Variants in FBF1 observed in about 807,000 individuals in gnomAD.
The protein encoded by FBF1 is fas-binding factor 1.
FBF1 carries 119 observed loss-of-function variants against 147.2 expected under a neutral mutation model. The ratio of observed to expected loss-of-function variants is 0.81; its 90% confidence interval spans 0.70 to 0.94. FBF1 has a LOEUF of 0.94. FBF1 is among the 40% of genes least tolerant of loss of function. The probability of loss-of-function intolerance (pLI) is 0.00; values close to 1 mark genes in which losing one functional copy is unlikely to be tolerated. For synonymous variants in FBF1, 601 were observed against 609.0 expected (o/e 0.99, Z 0.19); for missense variants, 1,449 against 1,500.8 (o/e 0.97, Z 0.57).
In FBF1 at chr17:75,913,766, G is replaced by A. The variant is rs761454041; in HGVS notation, c.3183C>T (p.Asp1061=). ...QRLQLDRARQ[D]LPSSLVGLFP... ...ACAGACCCACGAGGCTAGAGGGCAGGTCCTGTCGTGCGCGGTCCAGTTGCA... is the reference window on the plus strand; with the variant it reads ...ACAGACCCACGAGGCTAGAGGGCAGATCCTGTCGTGCGCGGTCCAGTTGCA... The change falls in exon 28 of 30, where the codon GAC becomes GAT. Residue 1061 remains aspartate (D), a synonymous_variant. Transcript: ENST00000636174. The A allele has an allele frequency of 2.4e-5, 38 of 1,605,154 alleles. No individual in the cohort carries two copies. Among genetic ancestry groups the A allele is most frequent in the Admixed American group, 1.8e-4 (11 of 59,866 alleles).
At chr17:75,939,377 G>A (rs2065646183) in intron 1 of FBF1, among the ~76,000 whole-genome samples, 1 of 150,930 alleles carries the variant, frequency 6.6e-6, no homozygotes, top group African/African-American at 2.4e-5. Flanking sequence ...AAAAAGGGCA[G>A]TGGCCATCAT....
rs889542096 is a variant in FBF1 at position 75,918,302 on chromosome 17, C to T, written c.2139-33G>A. 1 of 1,578,658 alleles carries T rather than the reference C, an allele frequency of 6.3e-7. No individual in the cohort carries two copies. Among genetic ancestry groups the T allele is most frequent in the Admixed American group, 1.7e-5 (1 of 58,328 alleles). On this transcript the variant is annotated intron_variant, in intron 20 of 29. Coordinates refer to ENST00000636174, the MANE Select transcript of FBF1 (RefSeq NM_001319193.2). This position sits in a 1 kb window ranked among gnomAD's most constrained non-coding sequence, Gnocchi z 5.8. ...GAGGCGGGAGGGGAAGGCGGTCACT[C>T]TGAGCTGGATCACCCTGATGCGGTA...
chr17:75,918,161 C>A lies in FBF1; in HGVS notation c.2246+1G>T. 1 of 1,613,290 alleles carries A rather than the reference C, an allele frequency of 6.2e-7. No individual in the cohort carries two copies. The highest frequency in any genetic ancestry group is 8.5e-7 in the Non-Finnish European group (1 of 1,179,770). The stretch of plus-strand genomic sequence containing the variant: ...GGGCATGGTTGGGGCAGCGCACATA[C>A]CGCGTGTGGGAGGTGGCACTGGTGG... On this transcript the variant is annotated splice_donor_variant, in intron 21 of 29. Coordinates refer to ENST00000636174, the MANE Select transcript of FBF1 (RefSeq NM_001319193.2). LOFTEE classifies it high-confidence loss of function. This position sits in a 1 kb window ranked among gnomAD's most constrained non-coding sequence, Gnocchi z 5.8.
At position 75,921,252 on chromosome 17, in the gene FBF1, G is replaced by T; in HGVS notation, c.1666C>A (p.Pro556Thr). ...STQKPTEPSVPVQPLLPESLA... is the reference protein window; with the variant it reads ...STQKPTEPSVTVQPLLPESLA... ...TCTGCCCACACCCCTACCTGGACGG[G>T]CACGGAAGGCTCTGTGGGTTTCTGG... Residue 556 changes from proline (P) to threonine (T), a missense_variant, in exon 17 of 30, where the codon CCC becomes ACC. Transcript: ENST00000636174. 1 of 1,587,884 alleles carries T rather than the reference G, an allele frequency of 6.3e-7. No homozygotes were observed. Among genetic ancestry groups the T allele is most frequent in the South Asian group, 1.1e-5 (1 of 86,976 alleles).
At chr17:75,932,878 T>TAAAAAA in intron 5 of FBF1, 117 bp downstream of exon 5, 7 of 435,520 alleles carry the variant, frequency 1.6e-5, no homozygotes, top group South Asian at 4.6e-5. Flanking sequence ...AAATATTCTC[T>TAAAAAA]AAAAAAAAAA....
chr17:75,929,950 A>ACCCCCCCC, intron 7 of FBF1, 47 bp downstream of exon 7: 1 of 214,750 alleles, frequency 4.7e-6, no homozygotes, highest in South Asian at 3.2e-5. Flanking sequence ...TCATGACCCC[A>ACCCCCCCC]CCCCACCCAC....
At chr17:75,930,900 G>A (rs1166515164) in intron 6 of FBF1, among the ~76,000 whole-genome samples, 3 of 151,996 alleles carry the variant, frequency 2.0e-5, no homozygotes, top group African/African-American at 2.4e-5. Flanking sequence ...CAGCCTGGGC[G>A]ACAGAGGGAG....
At chr17:75,916,415 T>A (rs1246497622) in intron 23 of FBF1, among the ~76,000 whole-genome samples, 1 of 150,980 alleles carries the variant, frequency 6.6e-6, no homozygotes, top group Non-Finnish European at 1.5e-5. Flanking sequence ...AGCCCAGGAG[T>A]TCAAGACCAG....
chr17:75,934,214 T>TA (rs1258310366), intron 4 of FBF1, among the ~76,000 whole-genome samples: 1 of 152,212 alleles, frequency 6.6e-6, no homozygotes, highest in Non-Finnish European at 1.5e-5. Flanking sequence ...ATAAAAAAGT[T>TA]AAAGTACTGA....
At chr17:75,940,413 C>T (rs1378936850) in intron 1 of FBF1, among the ~76,000 whole-genome samples, 1 of 152,112 alleles carries the variant, frequency 6.6e-6, no homozygotes, top group African/African-American at 2.4e-5. Context: ...CCACCATGTG[C>T]GGCAAATTTT....
At chr17:75,929,944 G>GTGGGGGGC in intron 7 of FBF1, 53 bp downstream of exon 7, 3 of 685,834 alleles carry the variant, frequency 4.4e-6, no homozygotes, top group Non-Finnish European at 8.0e-6. Context: ...AAAATATCAT[G>GTGGGGGGC]ACCCCACCCC....
Position 75,923,955 on chromosome 17 carries a change from G to A in FBF1, c.969-314C>T, listed in dbSNP as rs917727017. 6.6e-6 allele frequency among the ~76,000 whole-genome samples: 1 copy of A among 152,162 alleles called. No homozygotes were observed. The highest frequency in any genetic ancestry group is 2.4e-5 in the African/African-American group (1 of 41,440). ...AGGCCGAGCACGGTGGCTCATGTCT[G>A]TAATCCCAGATCTTTGGGAGGCCAG... On this transcript the variant is annotated intron_variant, in intron 13 of 29. Transcript: ENST00000636174. The surrounding 1 kb of genome is among the most constrained non-coding windows in gnomAD (Gnocchi z 4.1).
At chr17:75,930,464 C>T (rs1247812198) in intron 6 of FBF1, among the ~76,000 whole-genome samples, 2 of 152,172 alleles carry the variant, frequency 1.3e-5, no homozygotes, top group East Asian at 1.9e-4. Flanking sequence ...TGGGTCCACT[C>T]GGCAGCCCTT....
At position 75,925,771 on chromosome 17, in the gene FBF1, A is replaced by G. The variant is rs1416323305; in HGVS notation, c.868+259T>C. The stretch of plus-strand genomic sequence containing the variant: ...TCAAATGCGAGCTGCTACCCATGAG[A>G]GGGCTGAGAAACCAGCTTAATGTGT... On this transcript the variant is annotated intron_variant, in intron 12 of 29. Coordinates refer to ENST00000636174, the MANE Select transcript of FBF1 (RefSeq NM_001319193.2). This position sits in a 1 kb window ranked among gnomAD's most constrained non-coding sequence, Gnocchi z 5.0. Among the ~76,000 whole-genome samples, 1 of 152,230 alleles carries G rather than the reference A, an allele frequency of 6.6e-6. No homozygotes were observed. The highest frequency in any genetic ancestry group is 1.5e-5 in the Non-Finnish European group (1 of 68,040).
intron 28 of FBF1, among the ~76,000 whole-genome samples, chr17:75,913,139 G>A (rs114779668): frequency 0.015 from 2,280 of 150,808 alleles, 71 homozygotes; most frequent in African/African-American, 0.049. Flanking sequence ...TGGCGTTGAG[G>A]GTGACTTTTT....
At chr17:75,931,906 C>G (rs1445156343) in intron 5 of FBF1, among the ~76,000 whole-genome samples, 1 of 152,112 alleles carries the variant, frequency 6.6e-6, no homozygotes, top group Non-Finnish European at 1.5e-5. Context: ...CTTAGAAGAA[C>G]AAACACAATT....
At chr17:75,932,738 T>C (rs2065601389) in intron 5 of FBF1, among the ~76,000 whole-genome samples, 1 of 151,922 alleles carries the variant, frequency 6.6e-6, no homozygotes, top group Non-Finnish European at 1.5e-5. Flanking sequence ...ATACAAAAAT[T>C]AGCCAGGTGT....
In FBF1 at chr17:75,928,136, T is replaced by C. The variant is rs1259871238; in HGVS notation, c.337A>G (p.Ser113Gly). Reference sequence around the variant, plus strand: ...CCAGGGTCCTTTGCAGCTTTTTTGCTAGGGGCTGAATTAGATTTCTTCAGA... The same window carrying C: ...CCAGGGTCCTTTGCAGCTTTTTTGCCAGGGGCTGAATTAGATTTCTTCAGA... ...LGLKKSNSAP[S>G]KKAAKDPGKG... The change falls in exon 8 of 30, where the codon AGC (serine) becomes GGC (glycine). Residue 113 changes from serine to glycine, a missense_variant. Transcript: ENST00000636174. The surrounding 1 kb of genome is among the most constrained non-coding windows in gnomAD (Gnocchi z 4.2). 1.2e-6 allele frequency: 2 copies of C among 1,613,890 alleles called. No individual in the cohort carries two copies. The highest frequency in any genetic ancestry group is 1.7e-5 in the Admixed American group (1 of 60,008).
rs755226846 is a variant in FBF1 at position 75,920,301 on chromosome 17, C to T, written c.1803G>A (p.Gln601=). The T allele has an allele frequency of 6.2e-7, 1 of 1,611,312 alleles. No homozygotes were observed. Among genetic ancestry groups the T allele is most frequent in the Non-Finnish European group, 8.5e-7 (1 of 1,179,168 alleles). Residue 601 remains glutamine, a synonymous_variant, in exon 18 of 30, where the codon CAG becomes CAA. Coordinates refer to ENST00000636174, the MANE Select transcript of FBF1 (RefSeq NM_001319193.2). ...AELQAELLHS[Q]ARLAELEAQV... is the part of the protein sequence containing the mutation. ...GGGCCTCCAGCTCTGCCAGCCGGGCCTGGCTATGCAGCAGCTCGGCCTGGA... is the reference window on the plus strand; with the variant it reads ...GGGCCTCCAGCTCTGCCAGCCGGGCTTGGCTATGCAGCAGCTCGGCCTGGA...
Sources: allele counts gnomAD v4.1 joint callset (sites outside exome capture counted in the v4.1 genomes callset), GRCh38; gene constraint gnomAD v4.1.1; non-coding constraint Gnocchi (gnomAD v3.1); transcripts MANE v1.5; gene names NCBI Gene and HGNC (gene_info 2026-07-23, HGNC 2026-07-21).